Variants in NBAS observed in about 807,000 individuals in gnomAD.
NBAS encodes the protein NBAS subunit of NRZ tethering complex, also known as NAG/BC035112 fusion.
In NBAS, 219 loss-of-function variants were observed where a neutral mutation model predicts 302.5. The ratio of observed to expected loss-of-function variants is 0.72; its 90% CI spans 0.65 to 0.81. The LOEUF (loss-of-function observed/expected upper bound fraction) is 0.81, where lower values mean the gene tolerates loss of function less well. Among genes scored for constraint, NBAS ranks in the 30% least tolerant of loss-of-function variants. The pLI is 0.00. For missense variants in NBAS, 2,932 were observed against 2,841.6 expected, an observed-to-expected ratio of 1.03 and a Z score of -0.72; for synonymous variants, 1,118 against 1,021.6, an observed-to-expected ratio of 1.09 and a Z score of -1.80.
At chr2:15,482,532 T>C (rs1049855469) in intron 12 of NBAS, among the ~76,000 whole-genome samples, 1 of 152,176 alleles carries the variant, frequency 6.6e-6, no homozygotes, top group African/African-American at 2.4e-5. Flanking sequence ...TGTCCTCTTA[T>C]GATGGGTTAG....
the NBAS span, among the ~76,000 whole-genome samples, chr2:15,099,350 A>T: frequency 1.3e-5 from 2 of 152,030 alleles, no homozygotes; most frequent in Admixed American, 1.3e-4. Context: ...AGAGGATATG[A>T]TTACAGATTA....
At chr2:15,240,725 A>G (rs1365479545) in intron 44 of NBAS, among the ~76,000 whole-genome samples, 1 of 152,220 alleles carries the variant, frequency 6.6e-6, no homozygotes, top group Non-Finnish European at 1.5e-5. Context: ...TTGGAAATGC[A>G]CTGCAAATGC....
intron 14 of NBAS, among the ~76,000 whole-genome samples, chr2:15,474,617 G>C (rs1381010010): frequency 1.3e-5 from 2 of 151,886 alleles, no homozygotes; most frequent in East Asian, 3.9e-4. Flanking sequence ...CTGGAATGCA[G>C]TGGCGTGATC....
chr2:15,004,645 C>T, the NBAS span, among the ~76,000 whole-genome samples: 33 of 150,700 alleles, frequency 2.2e-4, no homozygotes, highest in Non-Finnish European at 3.8e-4. Context: ...AGACAACAGG[C>T]GCAGACCACC....
chr2:15,234,825 TA>T, intron 45 of NBAS, 78 bp from the exon 46 acceptor site: 1 of 1,435,930 alleles, frequency 7.0e-7, no homozygotes, highest in Non-Finnish European at 9.8e-7. Flanking sequence ...GAAACATATT[TA>T]GATCCTCGAA....
chr2:14,811,375 A>G, the NBAS span, among the ~76,000 whole-genome samples: 1 of 152,112 alleles, frequency 6.6e-6, no homozygotes, highest in Non-Finnish European at 1.5e-5. Context: ...ATGTCACTGC[A>G]CTCCAGCCCA....
chr2:15,539,966 C>T (rs540494832), intron 6 of NBAS, among the ~76,000 whole-genome samples: 1 of 152,092 alleles, frequency 6.6e-6, no homozygotes, highest in South Asian at 2.1e-4. Flanking sequence ...TAATCAACAA[C>T]TTAATAATTC....
intron 36 of NBAS, 114 bp downstream of exon 36, chr2:15,330,483 AT>A (rs1672277146): frequency 7.3e-7 from 1 of 1,376,712 alleles, no homozygotes; most frequent in Admixed American, 2.0e-5. Flanking sequence ...TTCTTAAGAG[AT>A]TGTTTTAACA....
intron 35 of NBAS, among the ~76,000 whole-genome samples, chr2:15,336,171 T>C (rs1672575201): frequency 6.6e-6 from 1 of 152,200 alleles, no homozygotes; most frequent in Non-Finnish European, 1.5e-5. Flanking sequence ...GTAATATTTT[T>C]GCTGTAAGTA....
At chr2:15,466,515 A>G (rs1162626764) in intron 19 of NBAS, among the ~76,000 whole-genome samples, 1 of 152,210 alleles carries the variant, frequency 6.6e-6, no homozygotes, top group East Asian at 1.9e-4. Context: ...GAAATGCCCA[A>G]CATGGGGACA....
intron 35 of NBAS, among the ~76,000 whole-genome samples, chr2:15,347,649 T>C (rs1479813537): frequency 6.6e-6 from 1 of 152,188 alleles, no homozygotes; most frequent in Non-Finnish European, 1.5e-5. Flanking sequence ...TTGTATACAA[T>C]CCATTTCTAA....
At chr2:15,307,900 G>A (rs960657425) in intron 40 of NBAS, among the ~76,000 whole-genome samples, 1 of 151,982 alleles carries the variant, frequency 6.6e-6, no homozygotes, top group Middle Eastern at 3.2e-3. Flanking sequence ...TAGAAAGTAA[G>A]TTAAAAAAAC....
intron 51 of NBAS, among the ~76,000 whole-genome samples, chr2:15,170,166 T>G (rs1427084395): frequency 6.6e-6 from 1 of 152,194 alleles, no homozygotes; most frequent in Non-Finnish European, 1.5e-5. Context: ...TGATGGATTC[T>G]TCCAGCCTGA....
chr2:14,785,533 C>T, the NBAS span, among the ~76,000 whole-genome samples: 29 of 152,034 alleles, frequency 1.9e-4, no homozygotes, highest in South Asian at 8.3e-4. Context: ...GCATGAAGGG[C>T]TGTTGAATTT....
chr2:15,082,693 C>A, the NBAS span, among the ~76,000 whole-genome samples: 1 of 152,162 alleles, frequency 6.6e-6, no homozygotes, highest in Non-Finnish European at 1.5e-5. Context: ...CACCCTGGAC[C>A]CAACAGCTCA....
chr2:14,893,238 C>A, the NBAS span, among the ~76,000 whole-genome samples: 1 of 152,024 alleles, frequency 6.6e-6, no homozygotes, highest in African/African-American at 2.4e-5. Context: ...CATTTTTATT[C>A]CCTCTTTTCC....
intron 40 of NBAS, among the ~76,000 whole-genome samples, chr2:15,305,910 G>A (rs1353031368): frequency 1.3e-5 from 2 of 152,174 alleles, no homozygotes; most frequent in Non-Finnish European, 2.9e-5. Context: ...CAGCAACCCA[G>A]TTCAATGACA....
At chr2:15,014,813 T>A in the NBAS span, among the ~76,000 whole-genome samples, 1 of 151,602 alleles carries the variant, frequency 6.6e-6, no homozygotes, top group Non-Finnish European at 1.5e-5. Flanking sequence ...TAAATAAAAT[T>A]GAGACCAAAA....
intron 48 of NBAS, among the ~76,000 whole-genome samples, chr2:15,204,905 T>A (rs971990575): frequency 6.6e-6 from 1 of 152,114 alleles, no homozygotes; most frequent in Non-Finnish European, 1.5e-5. Flanking sequence ...ATATACCTAA[T>A]GTAAATGATG....
Sources: allele counts gnomAD v4.1 joint callset (sites outside exome capture counted in the v4.1 genomes callset), GRCh38; gene constraint gnomAD v4.1.1; transcripts MANE v1.5; gene names NCBI Gene and HGNC (gene_info 2026-07-23, HGNC 2026-07-21).